Variants in MAT2B observed in about 807,000 individuals in gnomAD.
The protein encoded by MAT2B is methionine adenosyltransferase 2 subunit beta.
Under a neutral mutation model 36.1 loss-of-function variants are expected in MAT2B, and 16 were observed. That is an observed-to-expected ratio of 0.44 (90% CI 0.30 to 0.67). The LOEUF (loss-of-function observed/expected upper bound fraction) is 0.67, where lower values mean the gene tolerates loss of function less well. MAT2B is among the 30% of genes least tolerant of loss of function. MAT2B has a pLI of 0.09. For missense variants in MAT2B, 332 were observed against 398.2 expected (o/e 0.83, Z 1.42); for synonymous variants, 148 against 136.9 (o/e 1.08, Z -0.57).
chr5:163,507,897 T>TA (rs1759971579), intron 1 of MAT2B, among the ~76,000 whole-genome samples: 1 of 152,186 alleles, frequency 6.6e-6, no homozygotes, highest in African/African-American at 2.4e-5. Flanking sequence ...CTCCTCGTGG[T>TA]AGGGATAATA....
At chr5:163,511,716 A>G (rs926276955) in intron 1 of MAT2B, among the ~76,000 whole-genome samples, 3 of 151,672 alleles carry the variant, frequency 2.0e-5, no homozygotes, top group Non-Finnish European at 4.4e-5. Context: ...TACAAAGTAT[A>G]TTTTTACTGT....
chr5:163,505,480 A>C (rs1489058854), upstream of MAT2B: 3 of 1,220,808 alleles, frequency 2.5e-6, no homozygotes, highest in Non-Finnish European at 1.0e-6. Flanking sequence ...GGCTGGGGGC[A>C]GACCGCGCGT....
At chr5:163,510,228 G>C (rs1461535970) in intron 1 of MAT2B, among the ~76,000 whole-genome samples, 1 of 152,062 alleles carries the variant, frequency 6.6e-6, no homozygotes, top group African/African-American at 2.4e-5. Flanking sequence ...ACCCATCTTG[G>C]GAAGAAGGGA....
Position 163,516,514 on chromosome 5 carries a change from C to G in MAT2B, c.527-4C>G, listed in dbSNP as rs181985438. ...TTAAATTATTTGCTTTTATTCTTCT[C>G]TAGGAGCTGCTGTTTTGAGGATTCC... On this transcript the variant is annotated splice_region_variant and splice_polypyrimidine_tract_variant and intron_variant, in intron 4 of 6. Transcript: ENST00000321757. 36 of 1,612,764 alleles carry G rather than the reference C, an allele frequency of 2.2e-5. No homozygotes were observed. The African/African-American group carries it at 4.3e-4, about 19-fold the overall frequency.
At chr5:163,505,560 G>A, upstream of MAT2B, 10 of 1,245,394 alleles carry the variant, frequency 8.0e-6, no homozygotes, top group Non-Finnish European at 1.0e-5. Flanking sequence ...AGCGGAAGCC[G>A]GAAGCGGCGA....
At chr5:163,507,392 A>G (rs756529433) in intron 1 of MAT2B, among the ~76,000 whole-genome samples, 1 of 152,170 alleles carries the variant, frequency 6.6e-6, no homozygotes, top group Non-Finnish European at 1.5e-5. Flanking sequence ...TATGTACTTA[A>G]TTTTTCAAGA....
intron 6 of MAT2B, 186 bp downstream of exon 6, chr5:163,517,860 T>C (rs1448735056): frequency 2.3e-5 from 12 of 513,606 alleles, no homozygotes. Context: ...TTGTAGAAAA[T>C]GTATTATTGT....
chr5:163,511,774 A>G (rs1183678016), intron 1 of MAT2B, among the ~76,000 whole-genome samples: 1 of 152,090 alleles, frequency 6.6e-6, no homozygotes, highest in South Asian at 2.1e-4. Flanking sequence ...GCTGGTCTCA[A>G]GTTCCTGGGC....
At chr5:163,514,015 C>T (rs1282040285) in intron 4 of MAT2B, 21 bp downstream of exon 4, 2 of 1,580,088 alleles carry the variant, frequency 1.3e-6, no homozygotes, top group Non-Finnish European at 1.7e-6. Flanking sequence ...ATCTATTTAG[C>T]CCCTGATTGT....
chr5:163,511,503 G>A (rs540769753), intron 1 of MAT2B, among the ~76,000 whole-genome samples: 15 of 125,380 alleles, frequency 1.2e-4, no homozygotes, highest in Middle Eastern at 0.012. Flanking sequence ...GGCTGGTCTC[G>A]AACTCCTGGG....
upstream of MAT2B, chr5:163,505,425 G>A (rs1325011585): frequency 1.1e-5 from 9 of 801,092 alleles, no homozygotes; most frequent in African/African-American, 7.1e-5. Flanking sequence ...CACTGCCTAA[G>A]GTCAGGGCCT....
At chr5:163,511,218 A>G (rs190312668) in intron 1 of MAT2B, among the ~76,000 whole-genome samples, 3 of 152,134 alleles carry the variant, frequency 2.0e-5, no homozygotes, top group East Asian at 3.9e-4. Context: ...TTCCTTGCAT[A>G]TCATCTTGTG....
At chr5:163,505,080 G>T (rs7710409), upstream of MAT2B, among the ~76,000 whole-genome samples, 13 of 151,844 alleles carry the variant, frequency 8.6e-5, no homozygotes, top group Middle Eastern at 3.4e-3. Context: ...TCACACACAG[G>T]TTTTTTCTTT....
chr5:163,508,318 A>C lies in MAT2B; in HGVS notation c.63+2569A>C, dbSNP rs148994203. On this transcript the variant is annotated intron_variant, in intron 1 of 6. Transcript: ENST00000321757. ...AGTGGCTCAATCTCTGCTCACTGCA[A>C]CCTCTGCCTCCAGGGTTCAAGCGAT... 1.2e-4 allele frequency among the ~76,000 whole-genome samples: 18 copies of C among 152,170 alleles called. No individual in the cohort carries two copies. The East Asian group carries it at 3.5e-3, about 29-fold the overall frequency.
At chr5:163,517,923 T>C (rs1382075439) in intron 6 of MAT2B, 6 of 491,606 alleles carry the variant, frequency 1.2e-5, no homozygotes, top group Admixed American at 3.5e-5. Flanking sequence ...CAAATCAGAT[T>C]TCTTACACTA....
In MAT2B at chr5:163,517,542, A is replaced by G; in HGVS notation, c.721-19A>G. On this transcript the variant is annotated intron_variant, in intron 5 of 6. Transcript: ENST00000321757. ...TCAAAAAGTTGAAACTATTGAATTTATTGTGTCATCGTTCTTAGGATCCAT... is the reference window on the plus strand; with the variant it reads ...TCAAAAAGTTGAAACTATTGAATTTGTTGTGTCATCGTTCTTAGGATCCAT... 1.4e-6 allele frequency: 2 copies of G among 1,428,232 alleles called. No homozygotes were observed. The highest frequency in any genetic ancestry group is 1.1e-5 in the South Asian group (1 of 87,184). The allele number at this position is 1,428,232 out of a possible 1,614,324, so 88.5% of individuals were successfully genotyped here. A position where few individuals can be genotyped will look rare whatever the true frequency, so the allele number is the denominator to read the frequency against.
rs547906059 is a variant in MAT2B, at chr5:163,514,918, CAG to C, written c.526+926_526+927del. 1.1e-4 allele frequency among the ~76,000 whole-genome samples: 16 copies of C among 152,242 alleles called. No homozygotes were observed. In the South Asian group the frequency reaches 1.7e-3, roughly 16 times the overall value. ...CAACAACTCAGTAATTTATAAAGAACAGAAATTTATTTCACACAGTTCTAGAG... is the reference window on the plus strand; with the variant it reads ...CAACAACTCAGTAATTTATAAAGAACAAATTTATTTCACACAGTTCTAGAG... On this transcript the variant is annotated intron_variant, in intron 4 of 6. Coordinates refer to ENST00000321757, the MANE Select transcript of MAT2B (RefSeq NM_013283.5).
At chr5:163,514,652 G>A (rs921477485) in intron 4 of MAT2B, among the ~76,000 whole-genome samples, 1 of 152,014 alleles carries the variant, frequency 6.6e-6, no homozygotes, top group African/African-American at 2.4e-5. Context: ...AGTACACATG[G>A]AACCTACTCT....
intron 5 of MAT2B, chr5:163,517,013 G>C: frequency 4.0e-6 from 2 of 501,008 alleles, no homozygotes; most frequent in Non-Finnish European, 7.0e-6. Context: ...TTTGGGGGCT[G>C]GGCGTGATGG....
Sources: gnomAD v4.1 joint callset for allele counts (sites outside exome capture counted in the v4.1 genomes callset) on GRCh38, gnomAD v4.1.1 for gene constraint, MANE v1.5 for transcripts, NCBI Gene and HGNC (gene_info 2026-07-23, HGNC 2026-07-21) for gene names.